GJA9: variants seen among roughly 807,000 people sequenced by gnomAD.
The protein encoded by GJA9 is gap junction protein alpha 9.
A neutral mutation model predicts 0.4 loss-of-function variants in GJA9; 1 was observed. The ratio of observed to expected loss-of-function variants is 2.50; its 90% CI spans 0.89 to 11.88. The LOEUF (loss-of-function observed/expected upper bound fraction) is 11.88. Among genes scored for constraint, GJA9 ranks in the 30% most tolerant of loss-of-function variants. GJA9 has a pLI of 0.12. For missense variants in GJA9, 550 were observed against 602.8 expected (o/e 0.91, Z 0.92); for synonymous variants, 190 against 219.1 (o/e 0.87, Z 1.17).
Position 38,875,852 on chromosome 1 carries a change from T to C in GJA9, c.247A>G (p.Ile83Val), listed in dbSNP as rs1289821440. 3 of 1,614,140 alleles carry C rather than the reference T, an allele frequency of 1.9e-6. No homozygotes were observed. Among genetic ancestry groups the C allele is most frequent in the Admixed American group, 1.7e-5 (1 of 60,016 alleles). ...ACCAGGGATGGTGAAGACACAAATA[T>C]CACCTGCAGAACCCAGTATCTAATG... ...SLIRYWVLQVIFVSSPSLVYM... is the reference protein window; with the variant it reads ...SLIRYWVLQVVFVSSPSLVYM... The change falls in exon 2 of 2, where the codon ATA (isoleucine) becomes GTA (valine). Residue 83 changes from isoleucine (I) to valine (V), a missense_variant. Coordinates refer to ENST00000357771, the MANE Select transcript of GJA9 (RefSeq NM_030772.5).
intron 1 of GJA9, among the ~76,000 whole-genome samples, chr1:38,880,002 C>A (rs958811564): frequency 3.4e-4 from 52 of 151,696 alleles, no homozygotes; most frequent in African/African-American, 1.3e-3. Flanking sequence ...CAAGCGTGAG[C>A]CACCGCGCCC....
intron 1 of GJA9, 169 bp from the exon 2 acceptor site, chr1:38,876,362 C>T: frequency 2.3e-6 from 1 of 442,260 alleles, no homozygotes; most frequent in Non-Finnish European, 4.1e-6. Context: ...CAGCCTCAAC[C>T]TCCCAGACTC....
rs201524082 is a variant in GJA9 at position 38,880,413 on chromosome 1, AAATAATAATAATAAT to A, written c.-96+1004_-96+1018del. ...GCAAGACTCTGTCTCAAAAAAAAATAAATAATAATAATAATAATAATAATAATAATAATAATAATA... is the reference window on the plus strand; with the variant it reads ...GCAAGACTCTGTCTCAAAAAAAAATAAATAATAATAATAATAATAATAATA... On this transcript the variant is annotated intron_variant, in intron 1 of 1. Transcript: ENST00000357771. 5.8e-4 allele frequency among the ~76,000 whole-genome samples: 69 copies of A among 119,774 alleles called. 4 individuals are homozygous for A. Among genetic ancestry groups the A allele is most frequent in the African/African-American group, 1.1e-3 (38 of 34,504 alleles). 78.6% of individuals were successfully genotyped at this position (119,774 alleles called of 152,430 possible).
In GJA9 at chr1:38,875,544, C is replaced by G. The variant is rs147274413; in HGVS notation, c.555G>C (p.Pro185=). ...QYLLYGFHLE[P]LFKCHGHPCP... ...ACGGGTGGCCATGGCACTTAAATAG[C>G]GGCTCTAAGTGAAATCCATATAAAA... Residue 185 remains proline, a synonymous_variant, in exon 2 of 2, where the codon CCG becomes CCC. Transcript: ENST00000357771. The G allele has an allele frequency of 1.4e-5, 22 of 1,614,046 alleles. No homozygotes were observed. The highest frequency in any genetic ancestry group is 1.7e-5 in the Non-Finnish European group (20 of 1,180,036).
chr1:38,875,018 C>A lies in GJA9; in HGVS notation c.1081G>T (p.Glu361Ter), dbSNP rs765537578. Residue 361 changes from glutamate to a stop codon, truncating the protein, a stop_gained, in exon 2 of 2, where the codon GAA (glutamate) becomes TAA (stop). Coordinates refer to ENST00000357771, the MANE Select transcript of GJA9 (RefSeq NM_030772.5). LOFTEE classifies it low-confidence loss of function (END_TRUNC). ...TCCATTAACTGGTTACCATTAAGTT[C>A]TTTTCCAAATATTTTATGAGTGTCT... ...NKDTHKIFGKELNGNQLMEKR... is the reference protein window; with the variant it reads ...NKDTHKIFGK The A allele has an allele frequency of 1.2e-4, 197 of 1,613,954 alleles. No homozygotes were observed. Among genetic ancestry groups the A allele is most frequent in the Non-Finnish European group, 1.6e-4 (183 of 1,179,996 alleles).
intron 1 of GJA9, among the ~76,000 whole-genome samples, chr1:38,878,043 T>C (rs906544202): frequency 1.3e-5 from 2 of 152,092 alleles, no homozygotes; most frequent in Non-Finnish European, 1.5e-5. Context: ...TATAAAGTAC[T>C]TATTATACTT....
intron 1 of GJA9, among the ~76,000 whole-genome samples, chr1:38,879,757 C>T (rs567548007): frequency 6.6e-6 from 1 of 152,090 alleles, no homozygotes; most frequent in Non-Finnish European, 1.5e-5. Context: ...GACGGAGTCT[C>T]GCCCTGTCGC....
At position 38,874,399 on chromosome 1, in the gene GJA9, A is replaced by C. The variant is rs901963347; in HGVS notation, c.*152T>G. The C allele has an allele frequency of 5.1e-6, 3 of 583,550 alleles. No individual in the cohort carries two copies. The highest frequency in any genetic ancestry group is 9.0e-6 in the Non-Finnish European group (3 of 335,148). 36.1% of individuals were successfully genotyped at this position (583,550 alleles called of 1,614,324 possible). On this transcript the variant is annotated 3_prime_UTR_variant, in exon 2 of 2. Coordinates refer to ENST00000357771, the MANE Select transcript of GJA9 (RefSeq NM_030772.5). ...TAGAAGTGTTGCTTCACAATCTCGA[A>C]TTAGAGCTGTTTTTCTCTTGCTTAA...
chr1:38,875,276 G>A lies in GJA9; in HGVS notation c.823C>T (p.Leu275=). 6.2e-7 allele frequency: 1 copy of A among 1,614,178 alleles called. No individual in the cohort carries two copies. The highest frequency in any genetic ancestry group is 2.2e-5 in the East Asian group (1 of 44,870). Residue 275 remains leucine (L), a synonymous_variant, in exon 2 of 2, where the codon CTG becomes TTG. Transcript: ENST00000357771. ...TCAGGGGCAGAAGGGAGTCGCTTCA[G>A]TGAATTTGCAGATGTGCTCTGGTAT... ...AKYQSTSANS[L]KRLPSAPDYN...
At chr1:38,880,544 G>A (rs1229781811) in intron 1 of GJA9, among the ~76,000 whole-genome samples, 1 of 151,732 alleles carries the variant, frequency 6.6e-6, no homozygotes, top group African/African-American at 2.4e-5. Flanking sequence ...AGCACTTTGG[G>A]AGGCACAGGC....
intron 1 of GJA9, among the ~76,000 whole-genome samples, chr1:38,879,829 C>A (rs1456933548): frequency 6.6e-6 from 1 of 152,028 alleles, no homozygotes; most frequent in African/African-American, 2.4e-5. Context: ...CGGGTTCACG[C>A]CATTCTCCTG....
At chr1:38,878,254 T>C (rs1642626066) in intron 1 of GJA9, among the ~76,000 whole-genome samples, 1 of 151,784 alleles carries the variant, frequency 6.6e-6, no homozygotes, top group South Asian at 2.1e-4. Context: ...AATTTTTGTA[T>C]TGTTAGTAGA....
intron 1 of GJA9, among the ~76,000 whole-genome samples, chr1:38,877,733 G>A (rs527714881): frequency 3.2e-4 from 49 of 151,736 alleles, no homozygotes; most frequent in African/African-American, 1.1e-3. Context: ...TCCTGACCTC[G>A]TGATCCACCC....
chr1:38,877,592 GT>G (rs1642612875), intron 1 of GJA9, among the ~76,000 whole-genome samples: 1 of 151,994 alleles, frequency 6.6e-6, no homozygotes, highest in African/African-American at 2.4e-5. Flanking sequence ...CGCCTCCTGG[GT>G]TCAAGCGATT....
intron 1 of GJA9, among the ~76,000 whole-genome samples, chr1:38,878,089 G>C (rs1318789378): frequency 8.1e-6 from 1 of 124,166 alleles, no homozygotes; most frequent in South Asian, 2.5e-4. Flanking sequence ...CTTTTTTTTT[G>C]GTGGGGGGAG....
chr1:38,875,746 A>G lies in GJA9; in HGVS notation c.353T>C (p.Leu118Pro), dbSNP rs1642574516. 5 of 1,614,098 alleles carry G rather than the reference A, an allele frequency of 3.1e-6. No homozygotes were observed. The highest frequency in any genetic ancestry group is 1.3e-5 in the African/African-American group (1 of 74,930). The change falls in exon 2 of 2, where the codon CTG (leucine) becomes CCG (proline). Residue 118 changes from leucine (L) to proline (P), a missense_variant. Leu to Pro is a moderately conservative substitution (Grantham distance 98, BLOSUM62 -3). Transcript: ENST00000357771. ...AGGCATTTCAAACTCTACCTCCTCC[A>G]GTTCTACTCTTAACTGAGCTTTCAT... ...QRMKAQLRVE[L>P]EEVEFEMPRD...
At position 38,874,948 on chromosome 1, in the gene GJA9, G is replaced by GAGT; in HGVS notation, c.1148_1150dup (p.Tyr383dup). 6.2e-7 allele frequency: 1 copy of GAGT among 1,614,196 alleles called. No individual in the cohort carries two copies. The highest frequency in any genetic ancestry group is 1.1e-5 in the South Asian group (1 of 91,086). On this transcript the variant is annotated inframe_insertion, in exon 2 of 2. Coordinates refer to ENST00000357771, the MANE Select transcript of GJA9 (RefSeq NM_030772.5). ...ACCTGGAATAGAACGGTGACCTCTA[G>GAGT]AGTAGTAGTTCCTTTTGCTGTCTTT... is the stretch of plus-strand genomic sequence containing the variant.
At chr1:38,880,413 A>AAAAAAAAAAAAAAAAT (rs1408571116) in intron 1 of GJA9, among the ~76,000 whole-genome samples, 3 of 119,790 alleles carry the variant, frequency 2.5e-5, no homozygotes, top group Non-Finnish European at 5.4e-5. Context: ...AAAAAAAAAT[A>AAAAAAAAAAAAAAAAT]AATAATAATA....
Position 38,875,778 on chromosome 1 carries a change from C to T in GJA9, c.321G>A (p.Arg107=), listed in dbSNP as rs866186693. The T allele has an allele frequency of 6.2e-7, 1 of 1,614,234 alleles. No individual in the cohort carries two copies. The highest frequency in any genetic ancestry group is 8.5e-7 in the Non-Finnish European group (1 of 1,180,050). Residue 107 remains arginine, a synonymous_variant, in exon 2 of 2, where the codon AGG becomes AGA. Transcript: ENST00000357771. ...CTCTTAACTGAGCTTTCATCCTTTG[C>T]CTCTCTTCCTCAAGAACTCTCAGTC... ...LYRLRVLEEE[R]QRMKAQLRVE... is the part of the protein sequence containing the mutation.
Sources: allele counts gnomAD v4.1 joint callset (sites outside exome capture counted in the v4.1 genomes callset), GRCh38; gene constraint gnomAD v4.1.1; transcripts MANE v1.5; gene names NCBI Gene and HGNC (gene_info 2026-07-23, HGNC 2026-07-21).